Variants in NLGN1 observed in about 807,000 individuals in gnomAD.
NLGN1 encodes the protein neuroligin-1.
Under a neutral mutation model 65.5 loss-of-function variants are expected in NLGN1, and 12 were observed. The ratio of observed to expected loss-of-function variants is 0.18; its 90% CI spans 0.12 to 0.30. The LOEUF is 0.30. NLGN1 is among the 10% of genes least tolerant of loss of function. The probability of loss-of-function intolerance (pLI) is 1.00; values close to 1 mark genes in which losing one functional copy is unlikely to be tolerated. For synonymous variants in NLGN1, 350 were observed against 359.5 expected (o/e 0.97, Z 0.30); for missense variants, 750 against 1,007.1 (o/e 0.74, Z 3.46).
chr3:173,588,827 C>T (rs1747949658), intron 2 of NLGN1, among the ~76,000 whole-genome samples: 2 of 152,124 alleles, frequency 1.3e-5, no homozygotes, highest in African/African-American at 4.8e-5. Context: ...GTTCAAGTCC[C>T]CATATTTATT....
intron 2 of NLGN1, among the ~76,000 whole-genome samples, chr3:173,574,783 G>A (rs982447597): frequency 6.6e-6 from 1 of 152,178 alleles, no homozygotes; most frequent in Non-Finnish European, 1.5e-5. Flanking sequence ...TAGCCCATAT[G>A]TCACAGTTTT....
intron 4 of NLGN1, among the ~76,000 whole-genome samples, chr3:173,878,752 G>T (rs1298136280): frequency 6.7e-6 from 1 of 148,170 alleles, no homozygotes; most frequent in Non-Finnish European, 1.5e-5. Flanking sequence ...TTCAGGCTCT[G>T]TGTAGGTAAT....
chr3:174,211,042 A>G (rs1362886075), intron 4 of NLGN1, among the ~76,000 whole-genome samples: 3 of 152,048 alleles, frequency 2.0e-5, no homozygotes, highest in Non-Finnish European at 2.9e-5. Context: ...TGATGTTCAG[A>G]TGTGTTCGGA....
chr3:174,207,662 A>G (rs1054206056), intron 4 of NLGN1, among the ~76,000 whole-genome samples: 3 of 152,190 alleles, frequency 2.0e-5, no homozygotes, highest in African/African-American at 7.2e-5. Flanking sequence ...TCATTCTTCA[A>G]GTAAGACAGT....
chr3:173,781,800 A>C (rs945078325), intron 3 of NLGN1, among the ~76,000 whole-genome samples: 5 of 152,242 alleles, frequency 3.3e-5, no homozygotes, highest in African/African-American at 1.2e-4. Context: ...ATGTGTTTTG[A>C]AAAAGATGAA....
intron 2 of NLGN1, among the ~76,000 whole-genome samples, chr3:173,545,492 A>G (rs1400111312): frequency 6.6e-6 from 1 of 152,222 alleles, no homozygotes; most frequent in Non-Finnish European, 1.5e-5. Flanking sequence ...ACTTTCTTTA[A>G]AGCTTTGTCA....
intron 3 of NLGN1, among the ~76,000 whole-genome samples, chr3:173,787,058 CAA>C (rs1475645800): frequency 3.6e-5 from 5 of 137,950 alleles, no homozygotes; most frequent in South Asian, 2.3e-4. Flanking sequence ...GTCTGGGAAA[CAA>C]GAGCAAAACT....
intron 4 of NLGN1, among the ~76,000 whole-genome samples, chr3:173,830,731 A>T (rs1003207047): frequency 1.3e-5 from 2 of 152,224 alleles, no homozygotes; most frequent in African/African-American, 4.8e-5. Flanking sequence ...TGTTATTCAT[A>T]TATTACGTAC....
At chr3:174,150,250 C>CA (rs1561162726) in intron 4 of NLGN1, among the ~76,000 whole-genome samples, 1 of 152,028 alleles carries the variant, frequency 6.6e-6, no homozygotes, top group African/African-American at 2.4e-5. Context: ...CTGGCACCTA[C>CA]AAAAAATAAT....
rs749560877 is a variant in NLGN1 at position 174,153,145 on chromosome 3, C to G, written c.647-122170C>G. 1.1e-4 allele frequency among the ~76,000 whole-genome samples: 17 copies of G among 152,194 alleles called. 1 individual carries two copies. Among genetic ancestry groups the G allele is most frequent in the South Asian group, 6.2e-4 (3 of 4,830 alleles). On this transcript the variant is annotated intron_variant, in intron 4 of 6. Coordinates refer to ENST00000457714, the Ensembl canonical transcript of NLGN1. ...ATTTCATAGGCTTCAAATCTTAGTTCAAATGGCACTTCTTGAAGAGGCTTA... is the reference window on the plus strand; with the variant it reads ...ATTTCATAGGCTTCAAATCTTAGTTGAAATGGCACTTCTTGAAGAGGCTTA...
intron 2 of NLGN1, among the ~76,000 whole-genome samples, chr3:173,539,617 T>TTATATATGTACAGATATAGC (rs1738156937): frequency 3.5e-5 from 2 of 56,614 alleles, no homozygotes; most frequent in Non-Finnish European, 6.5e-5. Flanking sequence ...TGTTATATAT[T>TTATATATGTACAGATATAGC]ATATATTTAT....
At chr3:173,778,996 A>G (rs773058831) in intron 3 of NLGN1, among the ~76,000 whole-genome samples, 5 of 151,528 alleles carry the variant, frequency 3.3e-5, no homozygotes, top group Non-Finnish European at 7.4e-5. Flanking sequence ...AAGATAAGTG[A>G]TACAGAACCA....
intron 3 of NLGN1, among the ~76,000 whole-genome samples, chr3:173,738,823 T>G (rs1170364698): frequency 2.6e-5 from 4 of 152,092 alleles, no homozygotes; most frequent in Non-Finnish European, 5.9e-5. Context: ...GTAGATCAAT[T>G]TGGAGAGTAC....
intron 3 of NLGN1, among the ~76,000 whole-genome samples, chr3:173,759,287 A>G (rs1309172096): frequency 6.6e-6 from 1 of 152,016 alleles, no homozygotes; most frequent in East Asian, 1.9e-4. Flanking sequence ...ATCAGCTGAT[A>G]GATATTAAAT....
intron 2 of NLGN1, among the ~76,000 whole-genome samples, chr3:173,565,061 A>G (rs987851667): frequency 6.6e-6 from 1 of 152,182 alleles, no homozygotes; most frequent in African/African-American, 2.4e-5. Context: ...TCTGCCCAGG[A>G]TGATAAGGAT....
intron 2 of NLGN1, among the ~76,000 whole-genome samples, chr3:173,541,164 C>CATT (rs1738798600): frequency 6.6e-6 from 1 of 152,060 alleles, no homozygotes; most frequent in Non-Finnish European, 1.5e-5. Flanking sequence ...CAATAAAGAA[C>CATT]ATTATAAAGG....
At chr3:173,667,472 C>A (rs187664277) in intron 3 of NLGN1, among the ~76,000 whole-genome samples, 50 of 152,162 alleles carry the variant, frequency 3.3e-4, no homozygotes, top group African/African-American at 1.1e-3. Flanking sequence ...TCTAGCATAA[C>A]CATGTTACAG....
At chr3:174,014,352 C>T (rs879274988) in intron 4 of NLGN1, among the ~76,000 whole-genome samples, 2 of 152,162 alleles carry the variant, frequency 1.3e-5, no homozygotes, top group African/African-American at 2.4e-5. Context: ...ATTGTGCCAA[C>T]GTGCCTTTTC....
intron 4 of NLGN1, among the ~76,000 whole-genome samples, chr3:174,162,337 C>A (rs1726708267): frequency 6.6e-6 from 1 of 151,696 alleles, no homozygotes; most frequent in Admixed American, 6.6e-5. Context: ...TATTTTGTAT[C>A]AATAAAACAT....
Sources: gnomAD v4.1 joint callset for allele counts (sites outside exome capture counted in the v4.1 genomes callset) on GRCh38, gnomAD v4.1.1 for gene constraint, MANE v1.5 for transcripts, NCBI Gene and HGNC (gene_info 2026-07-23, HGNC 2026-07-21) for gene names.